The following ALOX5 variants were observed in gnomAD, a reference collection of about 807,000 sequenced individuals.
The protein encoded by ALOX5 is arachidonate 5-lipoxygenase.
A neutral mutation model predicts 87.9 loss-of-function variants in ALOX5; 64 were observed. The observed-to-expected ratio is 0.73, with a 90% CI of 0.60 to 0.90. ALOX5 has a LOEUF of 0.90. ALOX5 is among the 40% of genes least tolerant of loss of function. The pLI is 0.00. For synonymous variants in ALOX5, 388 were observed against 355.1 expected, an observed-to-expected ratio of 1.09 and a Z score of -1.04; for missense variants, 822 against 907.5, an observed-to-expected ratio of 0.91 and a Z score of 1.21.
chr10:45,393,627 T>G (rs1416838160), intron 2 of ALOX5, among the ~76,000 whole-genome samples: 3 of 152,098 alleles, frequency 2.0e-5, no homozygotes, highest in Non-Finnish European at 2.9e-5. Flanking sequence ...GAGAAAGAAA[T>G]AAAGGGTATT....
At chr10:45,396,242 T>C (rs539550333) in intron 3 of ALOX5, among the ~76,000 whole-genome samples, 24 of 152,372 alleles carry the variant, frequency 1.6e-4, no homozygotes, top group African/African-American at 5.0e-4. Context: ...TTACTTCTTA[T>C]GTCTTCTTAT....
At position 45,391,062 on chromosome 10, in the gene ALOX5, C is replaced by T. The variant is rs1180263035; in HGVS notation, c.350-4793C>T. On this transcript the variant is annotated intron_variant, in intron 2 of 13. Transcript: ENST00000374391. ...CCCATCTCCCCTCTCCCCTCTCCCT[C>T]TCCCTCTCCCCACGGTCTCCCTCTC... Among the ~76,000 whole-genome samples, 284 of 93,248 alleles carry T rather than the reference C, an allele frequency of 3.0e-3. 5 individuals carry two copies. Among genetic ancestry groups the T allele is most frequent in the Non-Finnish European group, 4.8e-3 (241 of 49,718 alleles). The allele number at this position is 93,248 out of a possible 152,430, so 61.2% of individuals were successfully genotyped here.
chr10:45,379,529 C>T (rs759886481), intron 1 of ALOX5, among the ~76,000 whole-genome samples: 3 of 152,218 alleles, frequency 2.0e-5, no homozygotes, highest in Non-Finnish European at 4.4e-5. Context: ...TCAGTTTCCT[C>T]CTCCCATGTG....
In ALOX5 at chr10:45,443,828, G is replaced by T. The variant is rs1239314073; in HGVS notation, c.1674G>T (p.Gln558His). The change falls in exon 12 of 14, where the codon CAG (glutamine) becomes CAT (histidine). Residue 558 changes from glutamine to histidine, a missense_variant and splice_region_variant. Physicochemically the swap from Gln to His is conservative, Grantham distance 24. Transcript: ENST00000374391. ...SAQHAAVNFG[Q>H]YDWCSWIPNA... ...AGCACGCCGCGGTCAACTTCGGCCA[G>T]GTAGGCAGGGCCGGGCCCGCTGGGC... 1.9e-6 allele frequency: 3 copies of T among 1,602,800 alleles called. No homozygotes were observed. Among genetic ancestry groups the T allele is most frequent in the Admixed American group, 3.4e-5 (2 of 59,130 alleles).
At chr10:45,382,359 G>A in intron 1 of ALOX5, 124 bp from the exon 2 acceptor site, 1 of 967,742 alleles carries the variant, frequency 1.0e-6, no homozygotes. Flanking sequence ...GTTTTTTTAA[G>A]TGCTTTTCAT....
intron 2 of ALOX5, among the ~76,000 whole-genome samples, chr10:45,388,944 A>G (rs1840098998): frequency 6.6e-6 from 1 of 152,216 alleles, no homozygotes; most frequent in Non-Finnish European, 1.5e-5. Flanking sequence ...AAAAACCTTG[A>G]AAAAAGATTA....
chr10:45,442,257 A>T (rs1192497010), intron 9 of ALOX5, among the ~76,000 whole-genome samples: 1 of 152,110 alleles, frequency 6.6e-6, no homozygotes, highest in Admixed American at 6.5e-5. Flanking sequence ...ACAGGCCCCC[A>T]TGGGAGAGGG....
chr10:45,408,040 A>C (rs1384727052), intron 3 of ALOX5, among the ~76,000 whole-genome samples: 1 of 152,198 alleles, frequency 6.6e-6, no homozygotes, highest in Non-Finnish European at 1.5e-5. Flanking sequence ...TTTTCAGCTT[A>C]AAGGAGTTCT....
chr10:45,374,471 C>A, intron 1 of ALOX5, 42 bp downstream of exon 1: 1 of 1,467,002 alleles, frequency 6.8e-7, no homozygotes, highest in Non-Finnish European at 9.0e-7. Context: ...GGCTGAGGTG[C>A]GTCCGGGACC....
In ALOX5 at chr10:45,445,907, C is replaced by G. The variant is rs555412910; in HGVS notation, c.*220C>G. 2 of 487,296 alleles carry G rather than the reference C, an allele frequency of 4.1e-6. No homozygotes were observed. The highest frequency in any genetic ancestry group is 4.7e-5 in the South Asian group (1 of 21,296). The allele number at this position is 487,296 out of a possible 1,614,324, so 30.2% of individuals were successfully genotyped here. On this transcript the variant is annotated 3_prime_UTR_variant, in exon 14 of 14. Coordinates refer to ENST00000374391, the MANE Select transcript of ALOX5 (RefSeq NM_000698.5). ...ACACAGAGCAGGACTGCACAGCGTC[C>G]TGTCCACACCCAGCTCAGCATTTCC...
intron 4 of ALOX5, among the ~76,000 whole-genome samples, chr10:45,420,502 C>T (rs1046690422): frequency 3.3e-5 from 5 of 152,226 alleles, no homozygotes; most frequent in African/African-American, 1.2e-4. Flanking sequence ...GCGTCAGAAT[C>T]CCCTGGGGCC....
intron 9 of ALOX5, among the ~76,000 whole-genome samples, chr10:45,441,883 T>C (rs1004980974): frequency 6.6e-6 from 1 of 151,536 alleles, no homozygotes; most frequent in African/African-American, 2.4e-5. Context: ...CTCCAGGCCC[T>C]GCCCAGCCCT....
intron 4 of ALOX5, among the ~76,000 whole-genome samples, chr10:45,423,448 CA>C (rs1417836565): frequency 6.6e-6 from 1 of 152,300 alleles, no homozygotes; most frequent in African/African-American, 2.4e-5. Flanking sequence ...GGACCCATCC[CA>C]CACCCTGCCT....
chr10:45,389,742 C>A (rs1479019769), intron 2 of ALOX5, among the ~76,000 whole-genome samples: 2 of 152,172 alleles, frequency 1.3e-5, no homozygotes, highest in African/African-American at 4.8e-5. Flanking sequence ...CAAAAACATG[C>A]CACATTGTAA....
At chr10:45,415,769 A>G (rs1329582332) in intron 4 of ALOX5, among the ~76,000 whole-genome samples, 1 of 152,208 alleles carries the variant, frequency 6.6e-6, no homozygotes, top group Non-Finnish European at 1.5e-5. Flanking sequence ...AGGTAGGGGA[A>G]TAGTCAGTTA....
intron 8 of ALOX5, among the ~76,000 whole-genome samples, chr10:45,441,086 T>C (rs1016592557): frequency 6.6e-6 from 1 of 152,164 alleles, no homozygotes; most frequent in African/African-American, 2.4e-5. Flanking sequence ...ATTAAGACAG[T>C]GAACTCAGGG....
rs139110463 is a variant in ALOX5, at chr10:45,443,778, G to T, written c.1624G>T (p.Val542Leu). The stretch of plus-strand genomic sequence containing the variant: ...GGAGCAGCTGTCGGAGTACCTGACC[G>T]TGGTGATCTTCACCGCCTCCGCCCA... Reference protein sequence around the residue: ...SREQLSEYLTVVIFTASAQHA... With the variant: ...SREQLSEYLTLVIFTASAQHA... The change falls in exon 12 of 14, where the codon GTG becomes TTG. Residue 542 changes from valine to leucine, a missense_variant. Coordinates refer to ENST00000374391, the MANE Select transcript of ALOX5 (RefSeq NM_000698.5). 4 of 1,612,190 alleles carry T rather than the reference G, an allele frequency of 2.5e-6. No homozygotes were observed. Among genetic ancestry groups the T allele is most frequent in the South Asian group, 1.1e-5 (1 of 90,900 alleles).
At chr10:45,408,533 C>T (rs1840958120) in intron 3 of ALOX5, among the ~76,000 whole-genome samples, 1 of 152,180 alleles carries the variant, frequency 6.6e-6, no homozygotes, top group African/African-American at 2.4e-5. Context: ...AGGTAGCAGG[C>T]TTCAGGTAGA....
intron 3 of ALOX5, among the ~76,000 whole-genome samples, chr10:45,396,430 T>C (rs1212338765): frequency 1.3e-5 from 2 of 151,612 alleles, no homozygotes; most frequent in Non-Finnish European, 2.9e-5. Context: ...ATACAGAAAT[T>C]AAAATTAATA....
Sources: allele counts gnomAD v4.1 joint callset (sites outside exome capture counted in the v4.1 genomes callset), GRCh38; gene constraint gnomAD v4.1.1; transcripts MANE v1.5; gene names NCBI Gene and HGNC (gene_info 2026-07-23, HGNC 2026-07-21).